Variants in ZBTB38 observed in about 807,000 individuals in gnomAD.
The protein encoded by ZBTB38 is zinc finger and BTB domain-containing protein 38.
A neutral mutation model predicts 76.8 loss-of-function variants in ZBTB38; 20 were observed. The observed-to-expected ratio is 0.26, with a 90% CI of 0.18 to 0.38. The LOEUF is 0.38. ZBTB38 is among the 10% of genes least tolerant of loss of function. The pLI, the probability that ZBTB38 is intolerant of heterozygous loss-of-function variation, is 1.00. For missense variants in ZBTB38, 1,082 were observed against 1,482.3 expected (o/e 0.73, Z 4.43); for synonymous variants, 504 against 544.2 (o/e 0.93, Z 1.03).
At chr3:141,402,409 AC>A (rs1049631637) in intron 4 of ZBTB38, 8 of 150,730 alleles carry the variant, frequency 5.3e-5, no homozygotes, top group African/African-American at 1.9e-4. Flanking sequence ...AGCACCATGG[AC>A]CCCCGGGGAA....
At chr3:141,379,005 A>G (rs1364439657) in intron 2 of ZBTB38, among the ~76,000 whole-genome samples, 1 of 152,118 alleles carries the variant, frequency 6.6e-6, no homozygotes, top group Non-Finnish European at 1.5e-5. Context: ...CCTTTAATGG[A>G]AGGAGATTAA....
intron 5 of ZBTB38, among the ~76,000 whole-genome samples, chr3:141,435,297 TTCTCTC>T (rs2078501492): frequency 6.6e-6 from 1 of 152,192 alleles, no homozygotes; most frequent in African/African-American, 2.4e-5. Context: ...CTTACCTCCT[TTCTCTC>T]TCAAGTGTCC....
At position 141,326,677 on chromosome 3, in the gene ZBTB38, G is replaced by A. The variant is rs140206236; in HGVS notation, c.-739+2221G>A. Among the ~76,000 whole-genome samples, 286 of 152,176 alleles carry A rather than the reference G, an allele frequency of 1.9e-3. 1 individual carries two copies. Among genetic ancestry groups the A allele is most frequent in the African/African-American group, 6.6e-3 (272 of 41,520 alleles). The stretch of plus-strand genomic sequence containing the variant: ...AAGTGATCCAATCTCTGATCATGTT[G>A]TGTTTTTTTACAATGATACTCTTGG... On this transcript the variant is annotated intron_variant, in intron 1 of 7. Coordinates refer to the ZBTB38 transcript ENST00000509842.
At chr3:141,343,174 G>A (rs1943245823) in intron 1 of ZBTB38, among the ~76,000 whole-genome samples, 1 of 152,194 alleles carries the variant, frequency 6.6e-6, no homozygotes, top group Admixed American at 6.5e-5. Flanking sequence ...TTTAGGGCAA[G>A]GAAGTGAATG....
intron 1 of ZBTB38, among the ~76,000 whole-genome samples, chr3:141,342,582 G>C (rs1943230077): frequency 6.6e-6 from 1 of 152,106 alleles, no homozygotes. Flanking sequence ...GGTGACACTT[G>C]AGAACATAGC....
At chr3:141,343,435 T>C (rs1220295954) in intron 1 of ZBTB38, among the ~76,000 whole-genome samples, 1 of 152,080 alleles carries the variant, frequency 6.6e-6, no homozygotes, top group Non-Finnish European at 1.5e-5. Context: ...AACAAGCAGA[T>C]ACAAGGACCC....
chr3:141,402,916 AT>A (rs1457345994), intron 4 of ZBTB38: 2 of 152,010 alleles, frequency 1.3e-5, no homozygotes, highest in African/African-American at 4.8e-5. Context: ...GAACTTGATG[AT>A]TTCCTTGATG....
intron 5 of ZBTB38, among the ~76,000 whole-genome samples, chr3:141,430,112 C>T (rs2077172230): frequency 6.6e-6 from 1 of 152,174 alleles, no homozygotes; most frequent in Admixed American, 6.5e-5. Flanking sequence ...GTCACCCAGG[C>T]TGGAGTGCAA....
At chr3:141,342,864 A>G (rs1003277158) in intron 1 of ZBTB38, among the ~76,000 whole-genome samples, 1 of 151,834 alleles carries the variant, frequency 6.6e-6, no homozygotes, top group African/African-American at 2.4e-5. Context: ...AAAATTATGA[A>G]CAAGAGCTGA....
chr3:141,337,363 G>T (rs1031786783), intron 1 of ZBTB38, among the ~76,000 whole-genome samples: 1 of 152,216 alleles, frequency 6.6e-6, no homozygotes, highest in Non-Finnish European at 1.5e-5. Context: ...TCTTAGCAAA[G>T]AGCTGCAAAG....
chr3:141,338,243 A>G (rs1335688407), intron 1 of ZBTB38, among the ~76,000 whole-genome samples: 1 of 152,214 alleles, frequency 6.6e-6, no homozygotes, highest in Non-Finnish European at 1.5e-5. Context: ...GATTTCCCAG[A>G]GAACTTAAAA....
chr3:141,397,074 A>G (rs1950514551), intron 4 of ZBTB38, among the ~76,000 whole-genome samples: 1 of 152,234 alleles, frequency 6.6e-6, no homozygotes, highest in African/African-American at 2.4e-5. Context: ...GTCCTAGGTG[A>G]CATCTCCTTC....
chr3:141,389,126 C>A (rs1948034260), intron 4 of ZBTB38: 1 of 152,168 alleles, frequency 6.6e-6, no homozygotes, highest in Non-Finnish European at 1.5e-5. Context: ...GGAAATATCT[C>A]TATAGGTGTG....
At chr3:141,407,205 A>G (rs1954835036) in intron 5 of ZBTB38, among the ~76,000 whole-genome samples, 1 of 152,244 alleles carries the variant, frequency 6.6e-6, no homozygotes. Context: ...CCATATGGCT[A>G]TTGTATGACA....
rs1178058299 is a variant in ZBTB38, at chr3:141,445,238, T to C, written c.2850T>C (p.His950=). The change falls in exon 6 of 6, where the codon CAT becomes CAC. Residue 950 remains histidine (H), a synonymous_variant. Transcript: ENST00000321464. The surrounding 1 kb of genome is among the most constrained non-coding windows in gnomAD (Gnocchi z 6.5). Reference sequence around the variant, plus strand: ...AGCACGGAAACAGGAGCCCGAGCCATAAATGTAAATACCCAGCAGAACTGG... The same window carrying C: ...AGCACGGAAACAGGAGCCCGAGCCACAAATGTAAATACCCAGCAGAACTGG... ...RKEHGNRSPS[H]KCKYPAELDC... 6.2e-7 allele frequency: 1 copy of C among 1,613,882 alleles called. No homozygotes were observed. The highest frequency in any genetic ancestry group is 8.5e-7 in the Non-Finnish European group (1 of 1,179,978).
At chr3:141,389,109 C>A (rs1948026330) in intron 4 of ZBTB38, 1 of 152,292 alleles carries the variant, frequency 6.6e-6, no homozygotes, top group African/African-American at 2.4e-5. Flanking sequence ...GCACCCTGAA[C>A]CTTTGTGGAA....
intron 1 of ZBTB38, among the ~76,000 whole-genome samples, chr3:141,359,117 G>A (rs1472805293): frequency 1.3e-5 from 2 of 152,332 alleles, no homozygotes; most frequent in East Asian, 3.9e-4. Context: ...GGAAGTAGGT[G>A]GTTCTCGAGT....
intron 5 of ZBTB38, among the ~76,000 whole-genome samples, chr3:141,430,118 T>G (rs1367861618): frequency 6.6e-6 from 1 of 152,132 alleles, no homozygotes; most frequent in Non-Finnish European, 1.5e-5. Flanking sequence ...CAGGCTGGAG[T>G]GCAATGGTGT....
chr3:141,404,877 C>T (rs1296218526), intron 5 of ZBTB38, among the ~76,000 whole-genome samples: 2 of 152,216 alleles, frequency 1.3e-5, no homozygotes, highest in Non-Finnish European at 2.9e-5. Flanking sequence ...CAGAGAGGCA[C>T]AGTAGGATGG....
Sources: gnomAD v4.1 joint callset for allele counts (sites outside exome capture counted in the v4.1 genomes callset) on GRCh38, gnomAD v4.1.1 for gene constraint, Gnocchi (gnomAD v3.1) non-coding constraint, MANE v1.5 for transcripts, NCBI Gene and HGNC (gene_info 2026-07-23, HGNC 2026-07-21) for gene names.